The following KIF18A variants were observed in gnomAD, a reference collection of about 807,000 sequenced individuals.
KIF18A encodes kinesin-like protein KIF18A.
A neutral mutation model predicts 103.3 loss-of-function variants in KIF18A; 67 were observed. That is an observed-to-expected ratio of 0.65 (90% CI 0.53 to 0.79). The LOEUF (loss-of-function observed/expected upper bound fraction) is 0.79, where lower values mean the gene tolerates loss of function less well. Ranked by LOEUF, KIF18A falls within the 30% of genes least tolerant of loss-of-function variation. The pLI is 0.00. For missense variants in KIF18A, 1,032 were observed against 1,062.5 expected (o/e 0.97, Z 0.40); for synonymous variants, 367 against 355.5 (o/e 1.03, Z -0.36).
intron 13 of KIF18A, among the ~76,000 whole-genome samples, chr11:28,043,616 A>G (rs1279171896): frequency 7.0e-6 from 1 of 142,320 alleles, no homozygotes; most frequent in African/African-American, 2.8e-5. Context: ...TATTTTATAG[A>G]TTATTTGATG....
At chr11:28,100,878 T>C (rs984273187) in intron 1 of KIF18A, among the ~76,000 whole-genome samples, 1 of 152,148 alleles carries the variant, frequency 6.6e-6, no homozygotes, top group Non-Finnish European at 1.5e-5. Context: ...ACAAAGCACC[T>C]ACACCTCACT....
At position 28,036,392 on chromosome 11, in the gene KIF18A, T is replaced by C. The variant is rs775257714; in HGVS notation, c.2221A>G (p.Ser741Gly). ...SFQAISSNIN[S>G]DNCLKMLCEV... ...CACAACATTTTCAGACAATTATCACTGTTTATGTTTGAGCTGATAGCCTGA... is the reference window on the plus strand; with the variant it reads ...CACAACATTTTCAGACAATTATCACCGTTTATGTTTGAGCTGATAGCCTGA... Residue 741 changes from serine to glycine, a missense_variant, in exon 14 of 17, where the codon AGT becomes GGT. Ser to Gly is a moderately conservative substitution (Grantham distance 56). Transcript: ENST00000263181. The C allele has an allele frequency of 6.2e-7, 1 of 1,611,258 alleles. No individual in the cohort carries two copies. Among genetic ancestry groups the C allele is most frequent in the South Asian group, 1.1e-5 (1 of 90,994 alleles).
rs746794327 is a variant in KIF18A at position 28,069,307 on chromosome 11, A to C, written c.1542T>G (p.Arg514=). 2 of 1,613,532 alleles carry C rather than the reference A, an allele frequency of 1.2e-6. No homozygotes were observed. Among genetic ancestry groups the C allele is most frequent in the East Asian group, 4.5e-5 (2 of 44,814 alleles). The part of the protein sequence containing the change: ...QFDENTNWLH[R]VEKEMGLLSQ... ...TTAAGAGTCCCATTTCTTTTTCGAC[A>C]CGATGGAGCCAATTAGTATTCTCAT... is the stretch of plus-strand genomic sequence containing the variant. The change falls in exon 11 of 17, where the codon CGT becomes CGG. Residue 514 remains arginine, a synonymous_variant. Transcript: ENST00000263181.
intron 13 of KIF18A, among the ~76,000 whole-genome samples, chr11:28,050,624 A>C (rs928936007): frequency 6.6e-6 from 1 of 151,880 alleles, no homozygotes; most frequent in African/African-American, 2.4e-5. Context: ...TTAAAAAAGG[A>C]AAGGTTACAG....
intron 12 of KIF18A, among the ~76,000 whole-genome samples, chr11:28,060,651 T>C (rs932575802): frequency 6.6e-6 from 1 of 152,230 alleles, no homozygotes; most frequent in African/African-American, 2.4e-5. Context: ...GCTGGTATTT[T>C]AAAATATGGA....
chr11:28,082,106 A>C (rs1469585215), intron 9 of KIF18A, among the ~76,000 whole-genome samples: 1 of 152,146 alleles, frequency 6.6e-6, no homozygotes, highest in Admixed American at 6.6e-5. Flanking sequence ...TAACCAAAGA[A>C]AATGGTTTCT....
At position 28,021,261 on chromosome 11, in the gene KIF18A, T is replaced by C. The variant is rs777899135; in HGVS notation, c.2636A>G (p.Lys879Arg). The C allele has an allele frequency of 3.4e-6, 5 of 1,480,984 alleles. No individual in the cohort carries two copies. In the South Asian group the frequency reaches 5.3e-5, roughly 16 times the overall value. 91.7% of individuals were successfully genotyped at this position (1,480,984 alleles called of 1,614,324 possible). The change falls in exon 17 of 17, where the codon AAA becomes AGA. Residue 879 changes from lysine (K) to arginine (R), a missense_variant. Lys to Arg is a conservative substitution (Grantham distance 26, BLOSUM62 2). Coordinates refer to ENST00000263181, the MANE Select transcript of KIF18A (RefSeq NM_031217.4). ...TTTTCTAACCATGCTTGGATTTATT[T>C]TACAGATGTTTCTTTTATGTTCTAG... ...PTMEHKRNICKINPSMVRKFG... is the reference protein window; with the variant it reads ...PTMEHKRNICRINPSMVRKFG...
intron 13 of KIF18A, among the ~76,000 whole-genome samples, chr11:28,050,748 C>T (rs376081406): frequency 2.6e-5 from 4 of 151,740 alleles, no homozygotes; most frequent in African/African-American, 4.8e-5. Flanking sequence ...TCAGCACCCC[C>T]GTCTTGCACT....
Position 28,082,952 on chromosome 11 carries a change from T to C in KIF18A, c.1166A>G (p.Glu389Gly). Residue 389 changes from glutamate (E) to glycine (G), a missense_variant, in exon 9 of 17, where the codon GAA (glutamate) becomes GGA (glycine). By Grantham distance (98) the Glu-to-Gly change is moderately conservative. Coordinates refer to ENST00000263181, the MANE Select transcript of KIF18A (RefSeq NM_031217.4). ...EQKAEILLLK[E>G]KLKAYEEQKA... ...CTGTTCTTCATAGGCTTTTAGTTTTTCTTTTAACAATAAAATCTAGTAGAG... is the reference window on the plus strand; with the variant it reads ...CTGTTCTTCATAGGCTTTTAGTTTTCCTTTTAACAATAAAATCTAGTAGAG... The C allele has an allele frequency of 1.3e-6, 2 of 1,584,086 alleles. No individual in the cohort carries two copies. The highest frequency in any genetic ancestry group is 1.7e-6 in the Non-Finnish European group (2 of 1,163,668).
chr11:28,090,904 G>A (rs561635128), intron 4 of KIF18A, among the ~76,000 whole-genome samples, 177 bp from the exon 5 acceptor site: 1 of 152,144 alleles, frequency 6.6e-6, no homozygotes, highest in East Asian at 1.9e-4. Context: ...TTTATATGAA[G>A]AATAAAAGAT....
intron 15 of KIF18A, among the ~76,000 whole-genome samples, chr11:28,033,565 T>A (rs1200267822): frequency 6.6e-6 from 1 of 151,784 alleles, no homozygotes; most frequent in Admixed American, 6.6e-5. Context: ...TGCAACAGCA[T>A]GGATGGAACT....
chr11:28,079,126 A>G (rs1373994638), intron 9 of KIF18A, among the ~76,000 whole-genome samples: 1 of 152,056 alleles, frequency 6.6e-6, no homozygotes, highest in African/African-American at 2.4e-5. Flanking sequence ...TCCTGAGAGG[A>G]GGGCCTTACC....
chr11:28,059,193 T>A, intron 12 of KIF18A, 32 bp from the exon 13 acceptor site: 82 of 1,262,388 alleles, frequency 6.5e-5, no homozygotes, highest in Non-Finnish European at 9.1e-5. Context: ...AAAGGAGAGA[T>A]AAATATGACA....
At chr11:28,095,297 G>A (rs1030064221) in intron 2 of KIF18A, among the ~76,000 whole-genome samples, 20 of 152,178 alleles carry the variant, frequency 1.3e-4, no homozygotes, top group African/African-American at 4.8e-4. Flanking sequence ...CTCAGCATTT[G>A]CTGCTCCTTT....
intron 13 of KIF18A, among the ~76,000 whole-genome samples, chr11:28,048,897 T>C (rs1850674423): frequency 6.6e-6 from 1 of 152,058 alleles, no homozygotes. Context: ...GCTTGGAAAT[T>C]GCAGAGGCCA....
At chr11:28,105,852 T>C (rs895677973) in intron 1 of KIF18A, among the ~76,000 whole-genome samples, 2 of 152,232 alleles carry the variant, frequency 1.3e-5, no homozygotes, top group African/African-American at 4.8e-5. Flanking sequence ...GTACACTCTG[T>C]CTCATGCATT....
At chr11:28,100,784 G>T (rs1400408906) in intron 1 of KIF18A, among the ~76,000 whole-genome samples, 1 of 151,924 alleles carries the variant, frequency 6.6e-6, no homozygotes, top group African/African-American at 2.4e-5. Context: ...GAAAAGGAAG[G>T]GATGGTCATT....
intron 13 of KIF18A, among the ~76,000 whole-genome samples, chr11:28,045,841 A>T (rs929700155): frequency 2.0e-5 from 3 of 152,086 alleles, no homozygotes; most frequent in Non-Finnish European, 4.4e-5. Context: ...GAACTCAAAC[A>T]AATTTACAAG....
At chr11:28,101,264 A>G (rs1295917241) in intron 1 of KIF18A, among the ~76,000 whole-genome samples, 2 of 152,150 alleles carry the variant, frequency 1.3e-5, no homozygotes, top group African/African-American at 4.8e-5. Flanking sequence ...TCTCCTATAC[A>G]CATTTCTAAA....
Sources: allele counts gnomAD v4.1 joint callset (sites outside exome capture counted in the v4.1 genomes callset), GRCh38; gene constraint gnomAD v4.1.1; transcripts MANE v1.5; gene names NCBI Gene and HGNC (gene_info 2026-07-23, HGNC 2026-07-21).